The following EXOC4 variants were observed in gnomAD, a reference collection of about 807,000 sequenced individuals.
EXOC4 encodes the protein exocyst complex component 4.
Under a neutral mutation model 107.2 loss-of-function variants are expected in EXOC4, and 71 were observed. The observed-to-expected ratio is 0.66, with a 90% confidence interval of 0.55 to 0.81. The LOEUF is 0.81. Among genes scored for constraint, EXOC4 ranks in the 30% least tolerant of loss-of-function variants. The pLI is 0.00. For missense variants in EXOC4, 1,108 were observed against 1,189.6 expected (o/e 0.93, Z 1.01); for synonymous variants, 456 against 441.2 (o/e 1.03, Z -0.42).
intron 9 of EXOC4, among the ~76,000 whole-genome samples, chr7:133,554,723 G>A (rs1209787149): frequency 1.3e-5 from 2 of 152,050 alleles, no homozygotes; most frequent in African/African-American, 4.8e-5. Context: ...TCCTATCCCA[G>A]TAGCTCCTTA....
At chr7:133,766,098 C>T (rs1315445788) in intron 10 of EXOC4, among the ~76,000 whole-genome samples, 1 of 151,906 alleles carries the variant, frequency 6.6e-6, no homozygotes, top group Non-Finnish European at 1.5e-5. Context: ...CAACGCCCCT[C>T]CTTCAATAAG....
chr7:133,272,017 C>T (rs1310127892), intron 1 of EXOC4, among the ~76,000 whole-genome samples: 2 of 152,074 alleles, frequency 1.3e-5, no homozygotes, highest in South Asian at 2.1e-4. Flanking sequence ...TGGAAAAACG[C>T]TACTGTCTTT....
chr7:133,358,042 G>C (rs983583773), intron 6 of EXOC4, among the ~76,000 whole-genome samples: 1 of 152,120 alleles, frequency 6.6e-6, no homozygotes, highest in African/African-American at 2.4e-5. Context: ...ACAAAAATTA[G>C]CTGGGCATGG....
chr7:133,793,861 A>AAT (rs1554402176), intron 10 of EXOC4, among the ~76,000 whole-genome samples: 10 of 151,978 alleles, frequency 6.6e-5, no homozygotes, highest in African/African-American at 1.9e-4. Context: ...AAAATAAATA[A>AAT]AAATAAATAA....
chr7:133,446,186 G>T (rs6961517), intron 7 of EXOC4, among the ~76,000 whole-genome samples: 41,430 of 151,894 alleles, frequency 0.27, 5,784 homozygotes, highest in South Asian at 0.4. Flanking sequence ...TCTGGTATCA[G>T]TATTCTCTGT....
chr7:133,471,504 G>C (rs965889890), intron 7 of EXOC4, among the ~76,000 whole-genome samples: 2 of 151,894 alleles, frequency 1.3e-5, no homozygotes, highest in Non-Finnish European at 2.9e-5. Context: ...GTGATGAATG[G>C]TATTAGACAA....
At chr7:133,351,111 G>T (rs1372866849) in intron 5 of EXOC4, among the ~76,000 whole-genome samples, 1 of 151,962 alleles carries the variant, frequency 6.6e-6, no homozygotes, top group Non-Finnish European at 1.5e-5. Flanking sequence ...AATTCAGTTT[G>T]TTAGTGTTTT....
intron 11 of EXOC4, among the ~76,000 whole-genome samples, chr7:133,855,166 T>TAAA (rs1258718264): frequency 1.0e-5 from 1 of 99,108 alleles, no homozygotes; most frequent in African/African-American, 5.4e-5. Context: ...AATATATATA[T>TAAA]TTTTTTTATC....
intron 11 of EXOC4, among the ~76,000 whole-genome samples, chr7:133,883,635 A>G (rs934771585): frequency 4.0e-5 from 6 of 150,092 alleles, no homozygotes; most frequent in South Asian, 4.2e-4. Flanking sequence ...TCTCAGGGGG[A>G]AAAAAAAAAT....
intron 14 of EXOC4, among the ~76,000 whole-genome samples, chr7:133,956,750 T>C (rs937676918): frequency 8.5e-5 from 13 of 152,140 alleles, no homozygotes; most frequent in Non-Finnish European, 1.9e-4. Context: ...ATCCTATCAG[T>C]CAGTGTAAGC....
At chr7:133,985,906 C>T (rs191762311) in intron 14 of EXOC4, among the ~76,000 whole-genome samples, 1 of 152,242 alleles carries the variant, frequency 6.6e-6, no homozygotes, top group Non-Finnish European at 1.5e-5. Context: ...TTCCACTTTT[C>T]TCCATCCCAG....
the EXOC4 span, among the ~76,000 whole-genome samples, chr7:134,099,182 A>G: frequency 1.2e-4 from 18 of 152,140 alleles, no homozygotes; most frequent in Non-Finnish European, 2.2e-4. Flanking sequence ...TGAGCCTCTA[A>G]TCCCATAAAT....
At chr7:133,633,797 AT>A (rs1207320773) in intron 10 of EXOC4, among the ~76,000 whole-genome samples, 2 of 151,172 alleles carry the variant, frequency 1.3e-5, no homozygotes, top group East Asian at 1.9e-4. Context: ...ACATTGTATC[AT>A]TTTTTTTTCT....
intron 9 of EXOC4, among the ~76,000 whole-genome samples, chr7:133,543,956 T>A (rs771616665): frequency 2.6e-5 from 4 of 152,184 alleles, no homozygotes; most frequent in Non-Finnish European, 4.4e-5. Context: ...TAGGTTTATC[T>A]TATTTCTCCC....
chr7:133,310,550 G>GTTGTT (rs1249100312), intron 4 of EXOC4, among the ~76,000 whole-genome samples: 1 of 152,152 alleles, frequency 6.6e-6, no homozygotes, highest in African/African-American at 2.4e-5. Flanking sequence ...AAGTTATCAG[G>GTTGTT]TTGTTCACAG....
chr7:134,045,099 G>C (rs944910567), intron 17 of EXOC4, among the ~76,000 whole-genome samples: 1 of 152,178 alleles, frequency 6.6e-6, no homozygotes, highest in Non-Finnish European at 1.5e-5. Flanking sequence ...AAAGGACCTG[G>C]TATATAGTAA....
chr7:133,781,857 A>C (rs962607630), intron 10 of EXOC4, among the ~76,000 whole-genome samples: 2 of 152,358 alleles, frequency 1.3e-5, no homozygotes, highest in South Asian at 4.1e-4. Context: ...TAGTTTCACC[A>C]GCTGTGAAAC....
At chr7:133,452,229 A>T (rs1798364317) in intron 7 of EXOC4, among the ~76,000 whole-genome samples, 2 of 152,170 alleles carry the variant, frequency 1.3e-5, no homozygotes. Flanking sequence ...AATGGTCCCT[A>T]CAGCAGCATT....
intron 10 of EXOC4, among the ~76,000 whole-genome samples, chr7:133,763,658 T>A (rs558672358): frequency 1.3e-5 from 2 of 149,906 alleles, no homozygotes; most frequent in African/African-American, 4.9e-5. Flanking sequence ...GCATTTTTAA[T>A]CTTTTTCAAA....
Sources: allele counts gnomAD v4.1 joint callset (sites outside exome capture counted in the v4.1 genomes callset), GRCh38; gene constraint gnomAD v4.1.1; transcripts MANE v1.5; gene names NCBI Gene and HGNC (gene_info 2026-07-23, HGNC 2026-07-21).